The following MED27 variants were observed in gnomAD, a reference collection of about 807,000 sequenced individuals.
The protein encoded by MED27 is mediator of RNA polymerase II transcription subunit 27.
MED27 carries 30 observed loss-of-function variants against 38.2 expected under a neutral mutation model. The observed-to-expected ratio is 0.79, with a 90% CI of 0.59 to 1.07. The LOEUF (loss-of-function observed/expected upper bound fraction) is 1.07, where lower values mean the gene tolerates loss of function less well. Among genes scored for constraint, MED27 ranks in the 50% least tolerant of loss-of-function variants. The pLI is 0.00. For missense variants in MED27, 289 were observed against 397.5 expected (o/e 0.73, Z 2.32); for synonymous variants, 122 against 153.5 (o/e 0.79, Z 1.52).
chr9:132,054,563 G>A (rs553909674), intron 2 of MED27, among the ~76,000 whole-genome samples: 36 of 152,200 alleles, frequency 2.4e-4, no homozygotes, highest in African/African-American at 7.9e-4. Flanking sequence ...ACAGGGGCAC[G>A]ACCACACCCA....
intron 2 of MED27, among the ~76,000 whole-genome samples, chr9:132,027,114 C>A (rs919244679): frequency 1.3e-5 from 2 of 152,204 alleles, no homozygotes; most frequent in African/African-American, 4.8e-5. Flanking sequence ...AAGTAAACCT[C>A]AAAGTATGGT....
Position 132,077,619 on chromosome 9 carries a change from A to G in MED27, c.204-33T>C, listed in dbSNP as rs768184552. The G allele has an allele frequency of 4.3e-6, 7 of 1,612,968 alleles. No homozygotes were observed. The East Asian group carries it at 1.6e-4, about 36-fold the overall frequency. On this transcript the variant is annotated intron_variant, in intron 1 of 7. Transcript: ENST00000292035. ...GCAAAGAGACAAGGCAAATAAACCT[A>G]AGCCCATTTACACTCCAGGGTAAAG...
chr9:131,990,465 T>C (rs2131040818), intron 3 of MED27, among the ~76,000 whole-genome samples: 1 of 152,332 alleles, frequency 6.6e-6, no homozygotes, highest in Middle Eastern at 3.4e-3. Flanking sequence ...AGGGCAGGGA[T>C]TTGTTTTGTT....
At chr9:131,945,157 T>G (rs1291266290) in intron 3 of MED27, among the ~76,000 whole-genome samples, 1 of 147,292 alleles carries the variant, frequency 6.8e-6, no homozygotes, top group East Asian at 2.0e-4. Flanking sequence ...TTTATATATA[T>G]ATAAATATAA....
intron 6 of MED27, chr9:131,869,433 C>T: frequency 1.0e-6 from 1 of 980,050 alleles, no homozygotes. Flanking sequence ...TTTAAATCCA[C>T]TCTGTGGCAG....
At chr9:132,025,694 T>A (rs955357499) in intron 2 of MED27, among the ~76,000 whole-genome samples, 9 of 152,194 alleles carry the variant, frequency 5.9e-5, no homozygotes, top group Non-Finnish European at 5.9e-5. Context: ...CTCAATACTA[T>A]CTGATTACTC....
intron 2 of MED27, among the ~76,000 whole-genome samples, chr9:132,040,680 G>A (rs184103786): frequency 1.3e-5 from 2 of 152,288 alleles, no homozygotes; most frequent in South Asian, 2.1e-4. Context: ...TCCCAGCAAG[G>A]AGCACTCAAG....
At chr9:131,867,842 G>A (rs1003585321) in intron 6 of MED27, among the ~76,000 whole-genome samples, 2 of 152,216 alleles carry the variant, frequency 1.3e-5, no homozygotes, top group African/African-American at 2.4e-5. Flanking sequence ...TAGGAGCTCG[G>A]GGAGGGGTGG....
intron 4 of MED27, among the ~76,000 whole-genome samples, chr9:131,931,408 T>C (rs1425684335): frequency 1.3e-5 from 2 of 151,696 alleles, no homozygotes; most frequent in Non-Finnish European, 2.9e-5. Context: ...GAAAATCACC[T>C]TCACTAAAAG....
chr9:131,976,970 C>G (rs1421443056), intron 3 of MED27, among the ~76,000 whole-genome samples: 2 of 152,184 alleles, frequency 1.3e-5, no homozygotes, highest in African/African-American at 4.8e-5. Flanking sequence ...CTTGCAGGAG[C>G]CCCATTTAAA....
chr9:132,056,753 C>T (rs900202631), intron 2 of MED27, among the ~76,000 whole-genome samples: 1 of 152,196 alleles, frequency 6.6e-6, no homozygotes, highest in African/African-American at 2.4e-5. Context: ...AGGTCTAGTT[C>T]AGCATAACAC....
Position 131,958,062 on chromosome 9 carries a change from A to G in MED27, c.480-18588T>C, listed in dbSNP as rs1052961399. ...CTATCTTATTTGGGGTGATATTTAC[A>G]TAGATGCATATATTTGTCAAAACTC... On this transcript the variant is annotated intron_variant, in intron 3 of 7. Coordinates refer to ENST00000292035, the MANE Select transcript of MED27 (RefSeq NM_004269.4). 3.9e-5 allele frequency among the ~76,000 whole-genome samples: 6 copies of G among 152,262 alleles called. No individual in the cohort carries two copies. In the East Asian group the frequency reaches 1.2e-3, roughly 29 times the overall value.
chr9:132,046,958 A>C (rs1269581674), intron 2 of MED27, among the ~76,000 whole-genome samples: 1 of 152,220 alleles, frequency 6.6e-6, no homozygotes, highest in Non-Finnish European at 1.5e-5. Flanking sequence ...TTACACAAAA[A>C]GAGGCACTTG....
chr9:131,930,630 C>T (rs1327956770), intron 4 of MED27, among the ~76,000 whole-genome samples: 1 of 152,048 alleles, frequency 6.6e-6, no homozygotes, highest in Non-Finnish European at 1.5e-5. Flanking sequence ...GTTCTTCAAT[C>T]AGAAAGAAAA....
At chr9:131,911,618 T>A (rs1830189408) in intron 4 of MED27, among the ~76,000 whole-genome samples, 1 of 152,242 alleles carries the variant, frequency 6.6e-6, no homozygotes, top group Non-Finnish European at 1.5e-5. Context: ...AAAGTTCTCA[T>A]GTTTTAACCT....
intron 3 of MED27, among the ~76,000 whole-genome samples, chr9:131,950,877 A>G (rs1393513193): frequency 2.0e-5 from 3 of 152,244 alleles, no homozygotes; most frequent in Non-Finnish European, 4.4e-5. Flanking sequence ...AAAGAGAAAT[A>G]AAGATCCCAG....
At chr9:131,863,529 G>A (rs1461721897) in intron 6 of MED27, among the ~76,000 whole-genome samples, 1 of 152,334 alleles carries the variant, frequency 6.6e-6, no homozygotes, top group African/African-American at 2.4e-5. Flanking sequence ...CTTCCGCCCG[G>A]TACGCACACT....
At chr9:132,002,399 G>A (rs1832255827) in intron 3 of MED27, among the ~76,000 whole-genome samples, 1 of 152,126 alleles carries the variant, frequency 6.6e-6, no homozygotes, top group African/African-American at 2.4e-5. Flanking sequence ...AATCTGTTCT[G>A]CCCTAAAAGA....
chr9:132,061,819 C>A (rs1399870987), intron 2 of MED27, among the ~76,000 whole-genome samples: 1 of 152,220 alleles, frequency 6.6e-6, no homozygotes, highest in East Asian at 1.9e-4. Flanking sequence ...TAAGGTATTT[C>A]TCTGACTTTC....
Sources: allele counts gnomAD v4.1 joint callset (sites outside exome capture counted in the v4.1 genomes callset), GRCh38; gene constraint gnomAD v4.1.1; transcripts MANE v1.5; gene names NCBI Gene and HGNC (gene_info 2026-07-23, HGNC 2026-07-21).